Variants in DMRT1 observed in about 807,000 individuals in gnomAD.
The protein encoded by DMRT1 is doublesex and mab-3 related transcription factor 1.
DMRT1 carries 7 observed loss-of-function variants against 32.3 expected under a neutral mutation model. That is an observed-to-expected ratio of 0.22 (90% CI 0.12 to 0.41). The LOEUF is 0.41. Ranked by LOEUF, DMRT1 falls within the 10% of genes least tolerant of loss-of-function variation. DMRT1 has a pLI of 1.00. For missense variants in DMRT1, 625 were observed against 500.5 expected, an observed-to-expected ratio of 1.25 and a Z score of -2.37; for synonymous variants, 278 against 206.1, an observed-to-expected ratio of 1.35 and a Z score of -2.99.
At chr9:898,368 C>T (rs924542506) in intron 3 of DMRT1, among the ~76,000 whole-genome samples, 13 of 152,198 alleles carry the variant, frequency 8.5e-5, no homozygotes, top group African/African-American at 3.1e-4. Flanking sequence ...GATCCGCCCA[C>T]TCGGCCTCCC....
At chr9:908,385 G>A (rs1190805811) in intron 3 of DMRT1, among the ~76,000 whole-genome samples, 1 of 152,158 alleles carries the variant, frequency 6.6e-6, no homozygotes, top group East Asian at 1.9e-4. Context: ...TTGAGCCCAC[G>A]AGATTGAGGC....
chr9:946,972 T>C (rs1819266309), intron 4 of DMRT1, among the ~76,000 whole-genome samples: 1 of 152,166 alleles, frequency 6.6e-6, no homozygotes. Context: ...TGTTAGGAAA[T>C]TCGTCATGCA....
chr9:960,245 T>G (rs895889433), intron 4 of DMRT1, among the ~76,000 whole-genome samples: 1 of 152,256 alleles, frequency 6.6e-6, no homozygotes, highest in African/African-American at 2.4e-5. Flanking sequence ...TTTCAGTCTT[T>G]TGGTGTGTAA....
chr9:896,022 C>T (rs1227448574), intron 3 of DMRT1, among the ~76,000 whole-genome samples: 2 of 151,834 alleles, frequency 1.3e-5, no homozygotes, highest in African/African-American at 4.8e-5. Context: ...CCACGATGGT[C>T]TGTATCTCTT....
At position 893,397 on chromosome 9, in the gene DMRT1, C is replaced by G. The variant is rs540058569; in HGVS notation, c.539-515C>G. 5.9e-5 allele frequency among the ~76,000 whole-genome samples: 9 copies of G among 152,362 alleles called. No individual in the cohort carries two copies. The East Asian group carries it at 9.6e-4, about 16-fold the overall frequency. On this transcript the variant is annotated intron_variant, in intron 2 of 4. Transcript: ENST00000382276. ...CTGAAATAGTTACTGACCTCTTACA[C>G]TAGAAGTTTGCCCCTGGTCCGCACC... is the stretch of plus-strand genomic sequence containing the variant.
intron 2 of DMRT1, among the ~76,000 whole-genome samples, chr9:860,825 C>A (rs1325955601): frequency 6.6e-6 from 1 of 152,138 alleles, no homozygotes; most frequent in African/African-American, 2.4e-5. Context: ...GGGGAAAGAG[C>A]ATTTGAGGAG....
intron 4 of DMRT1, among the ~76,000 whole-genome samples, chr9:960,173 T>C (rs779913951): frequency 3.9e-5 from 6 of 152,190 alleles, no homozygotes; most frequent in Non-Finnish European, 8.8e-5. Context: ...TGAAGGCCTA[T>C]ACATGATGCC....
chr9:868,667 TG>T (rs1232808712), intron 2 of DMRT1, among the ~76,000 whole-genome samples: 1 of 152,206 alleles, frequency 6.6e-6, no homozygotes, highest in Non-Finnish European at 1.5e-5. Flanking sequence ...ATACATAAAA[TG>T]TTGTTTATGA....
chr9:874,969 G>A (rs532420923), intron 2 of DMRT1, among the ~76,000 whole-genome samples: 7 of 151,798 alleles, frequency 4.6e-5, no homozygotes, highest in East Asian at 1.9e-4. Context: ...CACCACGCCC[G>A]GCAAATTTTT....
intron 2 of DMRT1, among the ~76,000 whole-genome samples, chr9:879,505 G>C (rs1816645678): frequency 6.6e-6 from 1 of 152,132 alleles, no homozygotes; most frequent in Non-Finnish European, 1.5e-5. Context: ...TGTTCTAATG[G>C]AAATACAGGA....
intron 4 of DMRT1, among the ~76,000 whole-genome samples, chr9:953,465 C>T (rs10759073): frequency 0.65 from 99,214 of 152,020 alleles, 33,252 homozygotes; most frequent in East Asian, 0.8. Context: ...TTCTAAATGA[C>T]GAAAATCTTC....
intron 4 of DMRT1, among the ~76,000 whole-genome samples, chr9:964,195 TG>T (rs199725679): frequency 1.3e-4 from 19 of 151,692 alleles, no homozygotes; most frequent in African/African-American, 4.1e-4. Flanking sequence ...TAGAGTTTTG[TG>T]GTTTTTTTTT....
chr9:930,602 G>T (rs928675300), intron 4 of DMRT1, among the ~76,000 whole-genome samples: 7 of 152,030 alleles, frequency 4.6e-5, no homozygotes, highest in East Asian at 1.9e-4. Flanking sequence ...TAGAGACAGG[G>T]TTTCACCATG....
chr9:916,480 C>T (rs1003063891), intron 3 of DMRT1, among the ~76,000 whole-genome samples: 1 of 152,094 alleles, frequency 6.6e-6, no homozygotes, highest in Non-Finnish European at 1.5e-5. Context: ...AAGTGATCTT[C>T]CTACCTCAGC....
intron 2 of DMRT1, among the ~76,000 whole-genome samples, chr9:880,524 C>T (rs1038205741): frequency 3.3e-5 from 5 of 151,636 alleles, no homozygotes; most frequent in Admixed American, 6.6e-5. Context: ...GTCAGGAGTT[C>T]GAGACCAGCC....
At chr9:884,751 T>G (rs577868945) in intron 2 of DMRT1, among the ~76,000 whole-genome samples, 14 of 152,134 alleles carry the variant, frequency 9.2e-5, no homozygotes, top group African/African-American at 3.4e-4. Flanking sequence ...CAGGCAGATA[T>G]TTGAGGTCAG....
At chr9:892,411 C>A (rs556964406) in intron 2 of DMRT1, among the ~76,000 whole-genome samples, 1 of 151,208 alleles carries the variant, frequency 6.6e-6, no homozygotes, top group Non-Finnish European at 1.5e-5. Flanking sequence ...CCCAGCCCTC[C>A]ACCTGCACAC....
intron 3 of DMRT1, 54 bp downstream of exon 3, chr9:894,249 GTGCACACACA>G: frequency 6.3e-7 from 1 of 1,584,854 alleles, no homozygotes; most frequent in Non-Finnish European, 8.6e-7. Context: ...CCACATGCAT[GTGCACACACA>G]TGCACATACA....
intron 2 of DMRT1, among the ~76,000 whole-genome samples, chr9:865,803 C>T (rs1815956634): frequency 6.6e-6 from 1 of 152,102 alleles, no homozygotes; most frequent in Admixed American, 6.6e-5. Flanking sequence ...TTTTCATGAC[C>T]TTCTTTTTCT....
Sources: allele counts gnomAD v4.1 joint callset (sites outside exome capture counted in the v4.1 genomes callset), GRCh38; gene constraint gnomAD v4.1.1; transcripts MANE v1.5; gene names NCBI Gene and HGNC (gene_info 2026-07-23, HGNC 2026-07-21).